The following VWA8 variants were observed in gnomAD, a reference collection of about 807,000 sequenced individuals.
The protein encoded by VWA8 is von Willebrand factor A domain-containing protein 8.
VWA8 carries 221 observed loss-of-function variants against 241.5 expected under a neutral mutation model. The ratio of observed to expected loss-of-function variants is 0.91; its 90% confidence interval spans 0.82 to 1.02. The LOEUF is 1.02. VWA8 is among the 50% of genes least tolerant of loss of function. VWA8 has a pLI of 0.00. For synonymous variants in VWA8, 852 were observed against 827.1 expected (o/e 1.03, Z -0.52); for missense variants, 2,322 against 2,328.7 (o/e 1.00, Z 0.06).
At chr13:41,780,574 CTTT>C (rs1178543918) in intron 19 of VWA8, among the ~76,000 whole-genome samples, 1 of 152,138 alleles carries the variant, frequency 6.6e-6, no homozygotes, top group Non-Finnish European at 1.5e-5. Flanking sequence ...TCTACCCTTT[CTTT>C]TCCATCCCCA....
At chr13:41,763,310 T>TA (rs1035967385) in intron 20 of VWA8, among the ~76,000 whole-genome samples, 4 of 100,630 alleles carry the variant, frequency 4.0e-5, no homozygotes, top group African/African-American at 1.6e-4. Context: ...AATAAATAAA[T>TA]AGATAGATAG....
intron 43 of VWA8, among the ~76,000 whole-genome samples, chr13:41,574,344 C>G (rs2044337462): frequency 6.6e-6 from 1 of 152,044 alleles, no homozygotes. Flanking sequence ...ACACACAAAA[C>G]CCTAGGAATA....
intron 30 of VWA8, among the ~76,000 whole-genome samples, chr13:41,692,334 T>C (rs538092278): frequency 1.1e-4 from 16 of 152,182 alleles, no homozygotes; most frequent in African/African-American, 3.6e-4. Context: ...CCTAAGTATG[T>C]TGACTTGCAG....
In VWA8 at chr13:41,717,632, G is replaced by C. The variant is rs576618312; in HGVS notation, c.3116+1959C>G. Among the ~76,000 whole-genome samples the C allele has an allele frequency of 3.4e-4, 52 of 152,012 alleles. 1 individual carries two copies. In the South Asian group the frequency reaches 0.011, roughly 31 times the overall value. ...TCATCCTACTCTCTCTAAGTACAAG[G>C]CTGATAATTTGATAGAAATTGCTAC... On this transcript the variant is annotated intron_variant, in intron 26 of 44. Coordinates refer to ENST00000379310, the MANE Select transcript of VWA8 (RefSeq NM_015058.2).
chr13:41,926,414 C>T (rs1876839093), intron 2 of VWA8: 2 of 534,678 alleles, frequency 3.7e-6, no homozygotes, highest in African/African-American at 3.8e-5. Flanking sequence ...TGAACATCAT[C>T]CCGGGGGAGC....
chr13:41,747,870 T>A (rs1396548247), intron 21 of VWA8, among the ~76,000 whole-genome samples: 1 of 152,126 alleles, frequency 6.6e-6, no homozygotes, highest in Non-Finnish European at 1.5e-5. Context: ...TGATTTTTGT[T>A]TTTGGTTCTG....
At chr13:41,573,636 G>A (rs2044330448) in intron 43 of VWA8, among the ~76,000 whole-genome samples, 1 of 119,844 alleles carries the variant, frequency 8.3e-6, no homozygotes, top group African/African-American at 3.3e-5. Context: ...GTGTGTGTGA[G>A]ACAGAGTGTT....
At chr13:41,578,799 C>G (rs1046678319) in intron 42 of VWA8, among the ~76,000 whole-genome samples, 1 of 152,162 alleles carries the variant, frequency 6.6e-6, no homozygotes, top group Non-Finnish European at 1.5e-5. Context: ...TCCTGAAAAC[C>G]CTGTGCAGTC....
At chr13:41,810,914 GA>G (rs1333023267) in intron 17 of VWA8, among the ~76,000 whole-genome samples, 4 of 151,646 alleles carry the variant, frequency 2.6e-5, no homozygotes, top group African/African-American at 9.7e-5. Context: ...ACAAATTAAG[GA>G]TAAAAATTTA....
intron 1 of VWA8, among the ~76,000 whole-genome samples, chr13:41,957,283 GT>G (rs1878392300): frequency 6.6e-6 from 1 of 152,144 alleles, no homozygotes; most frequent in Admixed American, 6.6e-5. Flanking sequence ...ATAAAGGGGA[GT>G]TTCTGTACAC....
chr13:41,570,804 C>A, intron 43 of VWA8, 98 bp from the exon 44 acceptor site: 1 of 972,394 alleles, frequency 1.0e-6, no homozygotes, highest in Non-Finnish European at 1.5e-6. Context: ...GCATACATAC[C>A]AATTATTACC....
At chr13:41,606,952 G>A (rs1321385346) in intron 39 of VWA8, among the ~76,000 whole-genome samples, 2 of 152,058 alleles carry the variant, frequency 1.3e-5, no homozygotes, top group Non-Finnish European at 2.9e-5. Flanking sequence ...ATACTTTATT[G>A]CTTTAATAGA....
intron 4 of VWA8, among the ~76,000 whole-genome samples, chr13:41,899,534 A>G (rs1875318755): frequency 6.6e-6 from 1 of 152,242 alleles, no homozygotes; most frequent in Non-Finnish European, 1.5e-5. Context: ...CTCTTTGGAA[A>G]CAAAATCTGA....
At chr13:41,611,181 A>G (rs897330522) in intron 39 of VWA8, among the ~76,000 whole-genome samples, 10 of 152,014 alleles carry the variant, frequency 6.6e-5, no homozygotes. Context: ...GCTGGAGGGG[A>G]CAGCCTCCGC....
At chr13:41,847,600 A>G (rs990194524) in intron 12 of VWA8, among the ~76,000 whole-genome samples, 5 of 152,204 alleles carry the variant, frequency 3.3e-5, no homozygotes, top group Admixed American at 6.5e-5. Context: ...GCTGCTGGTT[A>G]TAATTGAAAA....
intron 37 of VWA8, among the ~76,000 whole-genome samples, chr13:41,624,807 G>A (rs1010327501): frequency 3.3e-5 from 5 of 152,140 alleles, no homozygotes; most frequent in African/African-American, 1.2e-4. Flanking sequence ...ACGCGGCACT[G>A]GAAGTCCTAG....
intron 10 of VWA8, among the ~76,000 whole-genome samples, chr13:41,867,206 C>T (rs1873351891): frequency 6.6e-6 from 1 of 152,176 alleles, no homozygotes; most frequent in Non-Finnish European, 1.5e-5. Context: ...ATGTTCTATC[C>T]ACTCCTGAGC....
intron 32 of VWA8, 26 bp from the exon 33 acceptor site, chr13:41,690,301 T>C (rs1566416323): frequency 2.7e-5 from 42 of 1,583,330 alleles, no homozygotes; most frequent in Non-Finnish European, 3.5e-5. Flanking sequence ...ACATCTAGCT[T>C]AAGTGAAATT....
intron 12 of VWA8, among the ~76,000 whole-genome samples, chr13:41,855,846 TG>T (rs1199453400): frequency 6.6e-6 from 1 of 152,204 alleles, no homozygotes; most frequent in African/African-American, 2.4e-5. Flanking sequence ...TGTGATAAGA[TG>T]GAACACAGCC....
Sources: allele counts gnomAD v4.1 joint callset (sites outside exome capture counted in the v4.1 genomes callset), GRCh38; gene constraint gnomAD v4.1.1; transcripts MANE v1.5; gene names NCBI Gene and HGNC (gene_info 2026-07-23, HGNC 2026-07-21).